The following CNTN5 variants were observed in gnomAD, a reference collection of about 807,000 sequenced individuals.
CNTN5 encodes contactin-5.
CNTN5 carries 77 observed loss-of-function variants against 129.1 expected under a neutral mutation model. The observed-to-expected ratio is 0.60, with a 90% CI of 0.50 to 0.72. The LOEUF is 0.72. Among genes scored for constraint, CNTN5 ranks in the 30% least tolerant of loss-of-function variants. The pLI, the probability that CNTN5 is intolerant of heterozygous loss-of-function variation, is 0.00. For missense variants in CNTN5, 1,478 were observed against 1,328.8 expected (o/e 1.11, Z -1.75); for synonymous variants, 509 against 465.6 (o/e 1.09, Z -1.20).
chr11:99,775,126 A>C (rs1720085093), intron 3 of CNTN5, among the ~76,000 whole-genome samples: 1 of 152,000 alleles, frequency 6.6e-6, no homozygotes, highest in Non-Finnish European at 1.5e-5. Flanking sequence ...GGCCATACTG[A>C]GTGGTTTTTA....
At position 99,563,932 on chromosome 11, in the gene CNTN5, C is replaced by T. The variant is rs1948923694; in HGVS notation, c.55+7663C>T. On this transcript the variant is annotated intron_variant, in intron 3 of 24. Transcript: ENST00000524871. The stretch of plus-strand genomic sequence containing the variant: ...GATTCAAGAGGTGGAAAAGTAGATT[C>T]AATCTCTTCAAGAGAGTAGCTGCAA... Among the ~76,000 whole-genome samples, 5 of 152,284 alleles carry T rather than the reference C, an allele frequency of 3.3e-5. 1 individual carries two copies. The South Asian group carries it at 1.0e-3, about 32-fold the overall frequency.
At chr11:100,045,088 C>A (rs1812751218) in intron 9 of CNTN5, among the ~76,000 whole-genome samples, 1 of 151,590 alleles carries the variant, frequency 6.6e-6, no homozygotes, top group Non-Finnish European at 1.5e-5. Flanking sequence ...TCTACTTACC[C>A]CTAACCCAAA....
At chr11:99,319,148 TG>T (rs1267332400) in intron 1 of CNTN5, among the ~76,000 whole-genome samples, 1 of 152,200 alleles carries the variant, frequency 6.6e-6, no homozygotes, top group African/African-American at 2.4e-5. Flanking sequence ...GAAGCTTAAA[TG>T]GGTTAATATA....
chr11:99,422,519 TA>T (rs1178897411), intron 2 of CNTN5, among the ~76,000 whole-genome samples: 42 of 8,652 alleles, frequency 4.9e-3, no homozygotes, highest in Middle Eastern at 0.071. Context: ...TTTATATTTT[TA>T]TATATATATA....
chr11:100,284,860 G>T (rs1950732777), intron 18 of CNTN5, among the ~76,000 whole-genome samples: 1 of 152,112 alleles, frequency 6.6e-6, no homozygotes. Context: ...GCTTATGTGT[G>T]TATGTATCTT....
chr11:100,029,749 T>A (rs141607348), intron 9 of CNTN5, among the ~76,000 whole-genome samples: 1,872 of 152,284 alleles, frequency 0.012, 41 homozygotes, highest in African/African-American at 0.043. Context: ...CCCTAGCTTT[T>A]GTAATGATTT....
At chr11:99,485,534 A>T (rs1273335256) in intron 2 of CNTN5, among the ~76,000 whole-genome samples, 1 of 152,088 alleles carries the variant, frequency 6.6e-6, no homozygotes. Context: ...GTGTGAGGAC[A>T]GGGGACATAA....
intron 1 of CNTN5, among the ~76,000 whole-genome samples, chr11:99,270,860 T>C (rs1863137934): frequency 6.6e-6 from 1 of 151,998 alleles, no homozygotes; most frequent in Admixed American, 6.6e-5. Flanking sequence ...GGACTCTGCA[T>C]AGAATGCATG....
chr11:100,161,864 CACACACACAAAACAAAAAACAA>C (rs1269004249), intron 13 of CNTN5, among the ~76,000 whole-genome samples: 1 of 126,426 alleles, frequency 7.9e-6, no homozygotes, highest in African/African-American at 2.7e-5. Context: ...CACACACACA[CACACACACAAAACAAAAAACAA>C]AAAACAAAAA....
At chr11:100,274,092 G>C (rs529537921) in intron 18 of CNTN5, among the ~76,000 whole-genome samples, 4 of 152,180 alleles carry the variant, frequency 2.6e-5, no homozygotes, top group South Asian at 4.2e-4. Flanking sequence ...TCTGATTTTC[G>C]ACAAATCTGA....
At chr11:99,386,070 A>G (rs1940906621) in intron 2 of CNTN5, among the ~76,000 whole-genome samples, 2 of 152,192 alleles carry the variant, frequency 1.3e-5, no homozygotes, top group Non-Finnish European at 2.9e-5. Flanking sequence ...ATACTGATCT[A>G]CTCAAGCCCG....
intron 3 of CNTN5, among the ~76,000 whole-genome samples, chr11:99,634,010 C>T (rs1484637463): frequency 6.6e-6 from 1 of 152,110 alleles, no homozygotes; most frequent in African/African-American, 2.4e-5. Flanking sequence ...TTAGCATACA[C>T]TTTGTCTCAT....
intron 1 of CNTN5, among the ~76,000 whole-genome samples, chr11:99,241,589 C>G (rs1861562829): frequency 6.6e-6 from 1 of 151,950 alleles, no homozygotes; most frequent in Non-Finnish European, 1.5e-5. Flanking sequence ...GGTAGGTAGA[C>G]AGATTGATAG....
At chr11:99,770,126 A>T (rs533514420) in intron 3 of CNTN5, among the ~76,000 whole-genome samples, 1 of 152,186 alleles carries the variant, frequency 6.6e-6, no homozygotes, top group South Asian at 2.1e-4. Flanking sequence ...ATTTACTTGA[A>T]TTTGTTCTTT....
chr11:100,049,133 G>GT (rs1406495014), intron 9 of CNTN5, among the ~76,000 whole-genome samples: 10 of 152,006 alleles, frequency 6.6e-5, no homozygotes, highest in Middle Eastern at 3.4e-3. Context: ...AGCAAGAAAT[G>GT]TTTTTTTAAA....
At chr11:99,520,833 G>A (rs553322142) in intron 2 of CNTN5, among the ~76,000 whole-genome samples, 6 of 152,082 alleles carry the variant, frequency 3.9e-5, no homozygotes, top group African/African-American at 1.4e-4. Flanking sequence ...CAATGGCTTG[G>A]GTAGCTCAAA....
intron 3 of CNTN5, among the ~76,000 whole-genome samples, chr11:99,642,273 G>A (rs1316049650): frequency 6.6e-6 from 1 of 152,138 alleles, no homozygotes; most frequent in Non-Finnish European, 1.5e-5. Context: ...TTGTTTGATT[G>A]TCACTGATTC....
intron 6 of CNTN5, among the ~76,000 whole-genome samples, chr11:99,902,810 T>C (rs768069866): frequency 2.0e-4 from 30 of 152,258 alleles, no homozygotes; most frequent in Middle Eastern, 3.4e-3. Flanking sequence ...TAGTTGAGCC[T>C]AAATGAAGAT....
chr11:100,170,418 CTATCA>C (rs1947789012), intron 13 of CNTN5, among the ~76,000 whole-genome samples: 1 of 151,950 alleles, frequency 6.6e-6, no homozygotes, highest in East Asian at 1.9e-4. Flanking sequence ...CCAAACAATA[CTATCA>C]TATTTCTCCA....
Sources: allele counts gnomAD v4.1 joint callset (sites outside exome capture counted in the v4.1 genomes callset), GRCh38; gene constraint gnomAD v4.1.1; transcripts MANE v1.5; gene names NCBI Gene and HGNC (gene_info 2026-07-23, HGNC 2026-07-21).